CSMD2: variants seen among roughly 807,000 people sequenced by gnomAD.
CSMD2 encodes CUB and Sushi multiple domains 2.
In CSMD2, 130 loss-of-function variants were observed where a neutral mutation model predicts 398.5. The observed-to-expected ratio is 0.33, with a 90% CI of 0.28 to 0.38. The LOEUF is 0.38. Among genes scored for constraint, CSMD2 ranks in the 10% least tolerant of loss-of-function variants. The probability of loss-of-function intolerance (pLI) is 1.00; values close to 1 mark genes in which losing one functional copy is unlikely to be tolerated. For missense variants in CSMD2, 3,829 were observed against 4,764.9 expected (o/e 0.80, Z 5.78); for synonymous variants, 1,828 against 1,908.5 (o/e 0.96, Z 1.10).
intron 54 of CSMD2, among the ~76,000 whole-genome samples, chr1:33,558,809 C>T (rs1658279976): frequency 1.3e-5 from 2 of 151,992 alleles, no homozygotes; most frequent in South Asian, 4.2e-4. Flanking sequence ...AACTCTTAGG[C>T]TCTCTGCTTT....
At chr1:33,699,995 T>G (rs1240605835) in intron 23 of CSMD2, among the ~76,000 whole-genome samples, 1 of 143,552 alleles carries the variant, frequency 7.0e-6, no homozygotes, top group East Asian at 2.1e-4. Context: ...TGTCAAAGCA[T>G]GTATACTTTA....
intron 5 of CSMD2, among the ~76,000 whole-genome samples, chr1:33,913,851 T>C (rs1242931064): frequency 1.3e-5 from 2 of 151,958 alleles, no homozygotes; most frequent in African/African-American, 4.8e-5. Flanking sequence ...ATGGAGAGTG[T>C]TGGGTATGAG....
intron 42 of CSMD2, 119 bp downstream of exon 42, chr1:33,605,163 T>C: frequency 1.0e-6 from 1 of 967,044 alleles, no homozygotes. Context: ...GGACCACAGT[T>C]TGCCTGGACC....
In CSMD2 at chr1:33,521,447, G is replaced by C. The variant is rs757320710; in HGVS notation, c.10597+16C>G. The C allele has an allele frequency of 1.3e-6, 2 of 1,528,874 alleles. No homozygotes were observed. The highest frequency in any genetic ancestry group is 1.1e-5 in the South Asian group (1 of 89,332). The allele number at this position is 1,528,874 out of a possible 1,614,324, so 94.7% of individuals were successfully genotyped here. A position where few individuals can be genotyped will look rare whatever the true frequency, so the allele number is the denominator to read the frequency against. The stretch of plus-strand genomic sequence containing the variant: ...CCCACCCGGGCCCACACTTCCGGGG[G>C]ACAAGCACTAGTTACCCAGTCTTTG... On this transcript the variant is annotated intron_variant, in intron 68 of 70. Coordinates refer to ENST00000373381, the MANE Select transcript of CSMD2 (RefSeq NM_001281956.2).
Position 33,636,926 on chromosome 1 carries a change from C to T in CSMD2, c.4775-372G>A, listed in dbSNP as rs376212230. Among the ~76,000 whole-genome samples, 16 of 152,260 alleles carry T rather than the reference C, an allele frequency of 1.1e-4. No individual in the cohort carries two copies. Among genetic ancestry groups the T allele is most frequent in the East Asian group, 7.7e-4 (4 of 5,170 alleles). ...AGTCCCTGGACCACATCTCAGCTGC[C>T]GGCAGGGTCACTGTGGTAAAGGTCA... On this transcript the variant is annotated intron_variant, in intron 29 of 70. Coordinates refer to ENST00000373381, the MANE Select transcript of CSMD2 (RefSeq NM_001281956.2). The surrounding 1 kb of genome is among the most constrained non-coding windows in gnomAD (Gnocchi z 4.8).
chr1:34,076,927 A>AAC (rs1656418474), intron 2 of CSMD2, among the ~76,000 whole-genome samples: 2 of 111,130 alleles, frequency 1.8e-5, no homozygotes, highest in Non-Finnish European at 3.5e-5. Context: ...AAAAAAAAAA[A>AAC]AATATATATA....
intron 1 of CSMD2, 74 bp from the exon 2 acceptor site, chr1:34,089,267 G>A: frequency 1.4e-6 from 2 of 1,393,412 alleles, no homozygotes; most frequent in South Asian, 2.4e-5. Context: ...CAGGAGCAAT[G>A]TGTTAGCAAA....
intron 51 of CSMD2, among the ~76,000 whole-genome samples, chr1:33,569,923 C>G (rs1659429489): frequency 6.6e-6 from 1 of 152,180 alleles, no homozygotes; most frequent in South Asian, 2.1e-4. Flanking sequence ...TAATCAATTT[C>G]CTTGCCCTTC....
At chr1:33,770,630 G>T (rs1365101410) in intron 13 of CSMD2, among the ~76,000 whole-genome samples, 1 of 152,222 alleles carries the variant, frequency 6.6e-6, no homozygotes, top group African/African-American at 2.4e-5. Context: ...AGTGATGGAA[G>T]GGCCTGGGGA....
At chr1:33,586,441 A>G in intron 46 of CSMD2, 63 bp downstream of exon 46, 2 of 1,106,338 alleles carry the variant, frequency 1.8e-6, no homozygotes, top group Non-Finnish European at 2.8e-6. Flanking sequence ...AAGAGGAGCA[A>G]AACAAGAGCT....
At chr1:33,549,723 G>T (rs1657250874) in intron 56 of CSMD2, among the ~76,000 whole-genome samples, 1 of 151,988 alleles carries the variant, frequency 6.6e-6, no homozygotes. Context: ...AAGGAGGCTG[G>T]GGCCTACGAG....
chr1:33,594,381 G>A (rs753940138), intron 44 of CSMD2, among the ~76,000 whole-genome samples: 6 of 151,996 alleles, frequency 3.9e-5, no homozygotes, highest in Admixed American at 6.6e-5. Context: ...GTAATCTAAC[G>A]TCAAAAATTA....
rs575896876 is a variant in CSMD2 at position 34,010,808 on chromosome 1, C to T, written c.517+21786G>A. Among the ~76,000 whole-genome samples, 198 of 152,124 alleles carry T rather than the reference C, an allele frequency of 1.3e-3. 1 individual carries two copies. The highest frequency in any genetic ancestry group is 4.6e-3 in the African/African-American group (193 of 41,516). ...TAATTTTTTGTATTTTTAGTAGAGA[C>T]GAGGTTTCACCGTGTTAGCCTCGGT... On this transcript the variant is annotated intron_variant, in intron 3 of 70. Coordinates refer to ENST00000373381, the MANE Select transcript of CSMD2 (RefSeq NM_001281956.2).
intron 25 of CSMD2, among the ~76,000 whole-genome samples, chr1:33,663,656 AG>A (rs1644217291): frequency 6.6e-6 from 1 of 152,182 alleles, no homozygotes; most frequent in Non-Finnish European, 1.5e-5. Flanking sequence ...TAATCTCTGC[AG>A]ACCTCAGGAG....
At chr1:33,527,419 A>C (rs1401652643) in intron 64 of CSMD2, among the ~76,000 whole-genome samples, 161 bp from the exon 65 acceptor site, 1 of 152,170 alleles carries the variant, frequency 6.6e-6, no homozygotes, top group Non-Finnish European at 1.5e-5. Flanking sequence ...TTGATGCTCT[A>C]ATGATGCTAT....
intron 6 of CSMD2, among the ~76,000 whole-genome samples, chr1:33,833,913 G>T (rs913423655): frequency 3.3e-5 from 5 of 150,380 alleles, no homozygotes; most frequent in African/African-American, 9.8e-5. Flanking sequence ...GCTTCAAAGA[G>T]AATAAAATAC....
At chr1:33,835,666 A>AT (rs1456181375) in intron 6 of CSMD2, among the ~76,000 whole-genome samples, 3 of 106,632 alleles carry the variant, frequency 2.8e-5, no homozygotes, top group African/African-American at 5.2e-5. Context: ...AATAAAATAA[A>AT]TTAAAACAAA....
chr1:34,146,532 T>C (rs1324807369), intron 1 of CSMD2, among the ~76,000 whole-genome samples: 2 of 152,168 alleles, frequency 1.3e-5, no homozygotes, highest in Non-Finnish European at 1.5e-5. Flanking sequence ...TGGGAGGCCA[T>C]AGCCCTGCCA....
intron 6 of CSMD2, among the ~76,000 whole-genome samples, chr1:33,835,582 G>A (rs1250212220): frequency 7.9e-6 from 1 of 127,188 alleles, no homozygotes; most frequent in Non-Finnish European, 1.6e-5. Context: ...CAGCACACCA[G>A]CATGGCACAT....
Sources: allele counts gnomAD v4.1 joint callset (sites outside exome capture counted in the v4.1 genomes callset), GRCh38; gene constraint gnomAD v4.1.1; non-coding constraint Gnocchi (gnomAD v3.1); transcripts MANE v1.5; gene names NCBI Gene and HGNC (gene_info 2026-07-23, HGNC 2026-07-21).